Variants in CILP observed in about 807,000 individuals in gnomAD.
CILP encodes the protein cartilage intermediate layer protein 1.
In CILP, 75 loss-of-function variants were observed where a neutral mutation model predicts 82.5. The observed-to-expected ratio is 0.91, with a 90% CI of 0.75 to 1.10. The LOEUF (loss-of-function observed/expected upper bound fraction) is 1.10, where lower values mean the gene tolerates loss of function less well. CILP is among the 50% of genes least tolerant of loss of function. The pLI, the probability that CILP is intolerant of heterozygous loss-of-function variation, is 0.00. For synonymous variants in CILP, 530 were observed against 580.3 expected, an observed-to-expected ratio of 0.91 and a Z score of 1.25; for missense variants, 1,479 against 1,530.8, an observed-to-expected ratio of 0.97 and a Z score of 0.56.
At chr15:65,209,006 T>A (rs1356099701) in intron 2 of CILP, among the ~76,000 whole-genome samples, 2 of 126,154 alleles carry the variant, frequency 1.6e-5, no homozygotes, top group Non-Finnish European at 3.3e-5. Flanking sequence ...AAAGGAGGGT[T>A]TTGAGCTTTT....
rs757488703 is a variant in CILP, at chr15:65,198,175, T to G, written c.2111A>C (p.Asp704Ala). Residue 704 changes from aspartate (D) to alanine (A), a missense_variant, in exon 9 of 9, where the codon GAC (aspartate) becomes GCC (alanine). Transcript: ENST00000261883. ...STVKLWSLNP[D>A]TGLWEEEGDF... Reference sequence around the variant, plus strand: ...ACCTTCCTCCTCCCACAGCCCTGTGTCTGGATTGAGTGACCAGAGTTTCAC... The same window carrying G: ...ACCTTCCTCCTCCCACAGCCCTGTGGCTGGATTGAGTGACCAGAGTTTCAC... The G allele has an allele frequency of 6.2e-7, 1 of 1,614,254 alleles. No homozygotes were observed. Among genetic ancestry groups the G allele is most frequent in the South Asian group, 1.1e-5 (1 of 91,088 alleles).
At position 65,206,839 on chromosome 15, in the gene CILP, C is replaced by G; in HGVS notation, c.367G>C (p.Glu123Gln). ...PREGFWCLNREQRPGQNCSNY... is the reference protein window; with the variant it reads ...PREGFWCLNRQQRPGQNCSNY... Reference sequence around the variant, plus strand: ...GAGCAGTTCTGGCCAGGCCGCTGCTCCCTGTTGAGGCACCAGAAACCCTCA... The same window carrying G: ...GAGCAGTTCTGGCCAGGCCGCTGCTGCCTGTTGAGGCACCAGAAACCCTCA... The change falls in exon 4 of 9, where the codon GAG becomes CAG. Residue 123 changes from glutamate to glutamine, a missense_variant. Coordinates refer to ENST00000261883, the MANE Select transcript of CILP (RefSeq NM_003613.4). The G allele has an allele frequency of 1.2e-6, 2 of 1,614,048 alleles. No individual in the cohort carries two copies. The highest frequency in any genetic ancestry group is 1.7e-6 in the Non-Finnish European group (2 of 1,179,998).
At position 65,198,943 on chromosome 15, in the gene CILP, C is replaced by T. The variant is rs35714337; in HGVS notation, c.1343G>A (p.Arg448His). ...AGQQDNGIRC[R>H]DAVQNCCGIS... ...GCCACAGCAGTTCTGCACAGCATCACGGCACCTGATCCCATTATCCTGCTG... is the reference window on the plus strand; with the variant it reads ...GCCACAGCAGTTCTGCACAGCATCATGGCACCTGATCCCATTATCCTGCTG... The change falls in exon 9 of 9, where the codon CGT becomes CAT. Residue 448 changes from arginine to histidine, a missense_variant. By Grantham distance (29) the Arg-to-His change is conservative. Transcript: ENST00000261883. 2,464 of 1,614,014 alleles carry T rather than the reference C, an allele frequency of 1.5e-3. 23 individuals are homozygous for T. The Middle Eastern group carries it at 0.018, about 12-fold the overall frequency.
Position 65,203,452 on chromosome 15 carries a change from A to C in CILP, c.938T>G (p.Met313Arg). Residue 313 changes from methionine to arginine, a missense_variant, in exon 7 of 9, where the codon ATG becomes AGG. Physicochemically the swap from Met to Arg is moderately conservative, Grantham distance 91 (BLOSUM62 -1). Transcript: ENST00000261883. Reference sequence around the variant, plus strand: ...TCTCCGTGCTTTTGTCTCAGGGTTCATCACCATGTATGGAGTCTCTGGGAC... The same window carrying C: ...TCTCCGTGCTTTTGTCTCAGGGTTCCTCACCATGTATGGAGTCTCTGGGAC... ...FVRAETPYMV[M>R]NPETKARRAG... 2 of 1,612,556 alleles carry C rather than the reference A, an allele frequency of 1.2e-6. No homozygotes were observed. The highest frequency in any genetic ancestry group is 1.7e-6 in the Non-Finnish European group (2 of 1,179,908).
At chr15:65,208,730 T>G (rs781275712) in intron 2 of CILP, among the ~76,000 whole-genome samples, 2 of 152,248 alleles carry the variant, frequency 1.3e-5, no homozygotes, top group Non-Finnish European at 2.9e-5. Flanking sequence ...AGCAGAGGGC[T>G]GCAGAAGCTT....
intron 2 of CILP, 121 bp from the exon 3 acceptor site, chr15:65,207,885 C>G: frequency 2.6e-6 from 2 of 758,888 alleles, no homozygotes; most frequent in East Asian, 5.3e-5. Flanking sequence ...TGGGTTCAAA[C>G]CCCACTCTGC....
At chr15:65,204,942 C>T (rs928222973) in intron 5 of CILP, among the ~76,000 whole-genome samples, 1 of 152,058 alleles carries the variant, frequency 6.6e-6, no homozygotes, top group Non-Finnish European at 1.5e-5. Flanking sequence ...TCCCTTAAAC[C>T]CAGGAGGCGG....
At position 65,207,779 on chromosome 15, in the gene CILP, G is replaced by A. The variant is rs367610124; in HGVS notation, c.62-15C>T. Reference sequence around the variant, plus strand: ...CGTCTGTCTCCCTGAGGGCCAGAAGGAGAAGCTAAGTGAGAGGCCAGGACT... The same window carrying A: ...CGTCTGTCTCCCTGAGGGCCAGAAGAAGAAGCTAAGTGAGAGGCCAGGACT... On this transcript the variant is annotated splice_polypyrimidine_tract_variant and intron_variant, in intron 2 of 8. Coordinates refer to ENST00000261883, the MANE Select transcript of CILP (RefSeq NM_003613.4). The A allele has an allele frequency of 1.2e-6, 2 of 1,609,302 alleles. No individual in the cohort carries two copies. The highest frequency in any genetic ancestry group is 1.7e-5 in the Admixed American group (1 of 60,004).
Position 65,198,101 on chromosome 15 carries a change from A to T in CILP, c.2185T>A (p.Phe729Ile), listed in dbSNP as rs2088399146. The change falls in exon 9 of 9, where the codon TTC becomes ATC. Residue 729 changes from phenylalanine to isoleucine, a missense_variant. Physicochemically the swap from Phe to Ile is conservative, Grantham distance 21. Coordinates refer to ENST00000261883, the MANE Select transcript of CILP (RefSeq NM_003613.4). The part of the protein sequence containing the change: ...QRRNKREDRT[F>I]LVGNLEIRER... ...CGAATCTCCAGGTTGCCCACCAGGA[A>T]GGTTCTGTCTTCTCTTTTGTTCCTC... 6.2e-7 allele frequency: 1 copy of T among 1,614,086 alleles called. No homozygotes were observed. Among genetic ancestry groups the T allele is most frequent in the Non-Finnish European group, 8.5e-7 (1 of 1,180,040 alleles).
chr15:65,198,700 T>C lies in CILP; in HGVS notation c.1586A>G (p.His529Arg). 3.7e-6 allele frequency: 6 copies of C among 1,614,180 alleles called. No homozygotes were observed. The highest frequency in any genetic ancestry group is 2.2e-5 in the East Asian group (1 of 44,890). Residue 529 changes from histidine to arginine, a missense_variant, in exon 9 of 9, where the codon CAT becomes CGT. Transcript: ENST00000261883. ...CAGCCTCTCAGTGTCCTGGGGGACA[T>C]GGAGGGTGAAAGTGCCCTTGTAGCC... ...MTGYKGTFTL[H>R]VPQDTERLVL...
chr15:65,199,908 A>G (rs1368242175), intron 8 of CILP, among the ~76,000 whole-genome samples: 1 of 152,212 alleles, frequency 6.6e-6, no homozygotes, highest in Non-Finnish European at 1.5e-5. Flanking sequence ...TACCATATAA[A>G]TTGAGCTAAG....
Position 65,195,936 on chromosome 15 carries a change from C to G in CILP, c.*795G>C, listed in dbSNP as rs904728844. On this transcript the variant is annotated 3_prime_UTR_variant, in exon 9 of 9. Transcript: ENST00000261883. Reference sequence around the variant, plus strand: ...GACTTACACCACCTGTGACTGCTTTCCAGAGTCCCCTGTACTCCTCTGAGA... The same window carrying G: ...GACTTACACCACCTGTGACTGCTTTGCAGAGTCCCCTGTACTCCTCTGAGA... 1.3e-5 allele frequency: 2 copies of G among 152,218 alleles called. No individual in the cohort carries two copies. The highest frequency in any genetic ancestry group is 4.8e-5 in the African/African-American group (2 of 41,452). The allele number at this position is 152,218 out of a possible 1,614,324, so 9.4% of individuals were successfully genotyped here.
At position 65,197,475 on chromosome 15, in the gene CILP, C is replaced by T. The variant is rs755956176; in HGVS notation, c.2811G>A (p.Trp937Ter). 1.9e-6 allele frequency: 3 copies of T among 1,614,116 alleles called. No individual in the cohort carries two copies. The highest frequency in any genetic ancestry group is 1.7e-6 in the Non-Finnish European group (2 of 1,180,044). Residue 937 changes from tryptophan (W) to a stop codon, truncating the protein, a stop_gained, in exon 9 of 9, where the codon TGG becomes TGA. Transcript: ENST00000261883. LOFTEE classifies it high-confidence loss of function. ...VPFNEDDPMS[W>*]TEDYLAWWPK... is the part of the protein sequence containing the mutation. ...GCCACCATGCCAGATAGTCTTCAGT[C>T]CAGCTCATAGGGTCATCTTCGTTGA...
chr15:65,207,097 C>T (rs1156917098), intron 3 of CILP, 46 bp from the exon 4 acceptor site: 1 of 1,577,078 alleles, frequency 6.3e-7, no homozygotes, highest in East Asian at 2.2e-5. Context: ...TCCTGGTGCG[C>T]TCCAGTTCTC....
rs1476143178 is a variant in CILP, at chr15:65,197,373, G to A, written c.2913C>T (p.Arg971=). 5.6e-6 allele frequency: 9 copies of A among 1,614,072 alleles called. No homozygotes were observed. The highest frequency in any genetic ancestry group is 7.6e-6 in the Non-Finnish European group (9 of 1,180,042). The change falls in exon 9 of 9, where the codon CGC becomes CGT. Residue 971 remains arginine (R), a synonymous_variant. Coordinates refer to ENST00000261883, the MANE Select transcript of CILP (RefSeq NM_003613.4). ...TCTGCCGATGAGTGCCCCCCATGTT[G>A]CGGGATCGCACATTCACTTCCAGTG... ...VGPLEVNVRS[R]NMGGTHRQTV...
rs1025522121 is a variant in CILP, at chr15:65,206,852, C to T, written c.354G>A (p.Trp118Ter). The change falls in exon 4 of 9, where the codon TGG becomes TGA. Residue 118 changes from tryptophan (W) to a stop codon, truncating the protein, a stop_gained. Transcript: ENST00000261883. LOFTEE classifies it high-confidence loss of function. ...CAGGCCGCTGCTCCCTGTTGAGGCA[C>T]CAGAAACCCTCACGGGGACTACCAT... ...VVHGSPREGF[W>*]CLNREQRPGQ... The T allele has an allele frequency of 5.6e-6, 9 of 1,613,952 alleles. No homozygotes were observed. The African/African-American group carries it at 6.7e-5, about 12-fold the overall frequency.
chr15:65,209,611 A>T lies in CILP; in HGVS notation c.61+84T>A, dbSNP rs2088563143. On this transcript the variant is annotated intron_variant, in intron 2 of 8. Coordinates refer to ENST00000261883, the MANE Select transcript of CILP (RefSeq NM_003613.4). The stretch of plus-strand genomic sequence containing the variant: ...TTAAGGCCTTGCTGTGTCTTAAGGC[A>T]GATGCATAGTTCAGTCCCAGACCAG... 1.3e-5 allele frequency: 17 copies of T among 1,304,692 alleles called. No individual in the cohort carries two copies. The South Asian group carries it at 2.0e-4, about 15-fold the overall frequency. The allele number at this position is 1,304,692 out of a possible 1,614,324, so 80.8% of individuals were successfully genotyped here. A position where few individuals can be genotyped will look rare whatever the true frequency, so the allele number is the denominator to read the frequency against.
Position 65,198,577 on chromosome 15 carries a change from A to C in CILP, c.1709T>G (p.Met570Arg). 1 of 1,614,250 alleles carries C rather than the reference A, an allele frequency of 6.2e-7. No individual in the cohort carries two copies. Among genetic ancestry groups the C allele is most frequent in the Non-Finnish European group, 8.5e-7 (1 of 1,180,038 alleles). ...AGTGATGGGCTTTTTCCGACGAAGC[A>C]TCTTGATTTCATGGAACACGGCACT... ...KGSAVFHEIK[M>R]LRRKKPITLE... Residue 570 changes from methionine (M) to arginine (R), a missense_variant, in exon 9 of 9, where the codon ATG becomes AGG. By Grantham distance (91) the Met-to-Arg change is moderately conservative. Transcript: ENST00000261883.
intron 8 of CILP, among the ~76,000 whole-genome samples, chr15:65,199,659 C>CA (rs763616621): frequency 6.6e-4 from 100 of 152,200 alleles, no homozygotes; most frequent in Non-Finnish European, 1.1e-3. Flanking sequence ...CCTGTCTCTA[C>CA]AAAAAATACA....
Sources: allele counts gnomAD v4.1 joint callset (sites outside exome capture counted in the v4.1 genomes callset), GRCh38; gene constraint gnomAD v4.1.1; transcripts MANE v1.5; gene names NCBI Gene and HGNC (gene_info 2026-07-23, HGNC 2026-07-21).